The following CYP27A1 variants were observed in gnomAD, a reference collection of about 807,000 sequenced individuals.
CYP27A1 encodes the protein sterol 26-hydroxylase, mitochondrial.
In CYP27A1, 46 loss-of-function variants were observed where a neutral mutation model predicts 58.2. The ratio of observed to expected loss-of-function variants is 0.79; its 90% CI spans 0.62 to 1.01. The LOEUF (loss-of-function observed/expected upper bound fraction) is 1.01. Among genes scored for constraint, CYP27A1 ranks in the 50% least tolerant of loss-of-function variants. The pLI is 0.00. For missense variants in CYP27A1, 704 were observed against 687.0 expected (o/e 1.02, Z -0.28); for synonymous variants, 274 against 285.1 (o/e 0.96, Z 0.39).
intron 1 of CYP27A1, among the ~76,000 whole-genome samples, chr2:218,790,436 A>G (rs574742578): frequency 6.6e-6 from 1 of 152,358 alleles, no homozygotes; most frequent in South Asian, 2.1e-4. Flanking sequence ...CTAAAATCAA[A>G]TAGATCAAAG....
Position 218,809,442 on chromosome 2 carries a change from C to CTTTT in CYP27A1, c.256-116_256-113dup, listed in dbSNP as rs57956133. The CTTTT allele has an allele frequency of 2.1e-3, 775 of 370,542 alleles. 106 individuals are homozygous for CTTTT. The highest frequency in any genetic ancestry group is 0.014 in the African/African-American group (421 of 29,980). The allele number at this position is 370,542 out of a possible 1,614,324, so 23.0% of individuals were successfully genotyped here. On this transcript the variant is annotated intron_variant, in intron 1 of 8. Coordinates refer to ENST00000258415, the MANE Select transcript of CYP27A1 (RefSeq NM_000784.4). ...TGGTGCCTACATCATACACAATGCC[C>CTTTT]TTTTTTTTTTTTTTTTTTTTTTGCC...
At chr2:218,803,722 CTTTTTTTTTTT>C (rs71040407) in intron 1 of CYP27A1, among the ~76,000 whole-genome samples, 1 of 57,750 alleles carries the variant, frequency 1.7e-5, no homozygotes, top group Non-Finnish European at 3.0e-5. Flanking sequence ...GTGCCCCCGT[CTTTTTTTTTTT>C]TTTTTTTTTT....
intron 1 of CYP27A1, among the ~76,000 whole-genome samples, chr2:218,801,302 C>T (rs560988534): frequency 4.6e-5 from 7 of 152,140 alleles, no homozygotes; most frequent in East Asian, 1.9e-4. Context: ...GTCAGGAGTT[C>T]GAGACCAGCC....
rs1943730077 is a variant in CYP27A1, at chr2:218,812,570, T to C, written c.665T>C (p.Phe222Ser). Residue 222 changes from phenylalanine (F) to serine (S), a missense_variant, in exon 4 of 9, where the codon TTC (phenylalanine) becomes TCC (serine). Physicochemically the swap from Phe to Ser is radical, Grantham distance 155. Transcript: ENST00000258415. ...FALEAICYIL[F>S]EKRIGCLQRS... ...TACTCAGCTATTTGCTACATCCTGT[T>C]CGAGAAACGCATTGGCTGCCTGCAG... The C allele has an allele frequency of 1.2e-6, 2 of 1,614,096 alleles. No homozygotes were observed. The highest frequency in any genetic ancestry group is 1.7e-5 in the Admixed American group (1 of 60,010).
At chr2:218,810,976 A>T (rs576801890) in intron 2 of CYP27A1, among the ~76,000 whole-genome samples, 40 of 151,926 alleles carry the variant, frequency 2.6e-4, no homozygotes, top group Non-Finnish European at 4.7e-4. Context: ...TGAAACCCCG[A>T]CTCTACTAAA....
chr2:218,807,998 C>T (rs1038374411), intron 1 of CYP27A1, among the ~76,000 whole-genome samples: 1 of 152,076 alleles, frequency 6.6e-6, no homozygotes, highest in Non-Finnish European at 1.5e-5. Flanking sequence ...TATTTTAGAC[C>T]TCCTTTCTTA....
At position 218,784,366 on chromosome 2, in the gene CYP27A1, T is replaced by C. The variant is rs529484114; in HGVS notation, c.255+1929T>C. Among the ~76,000 whole-genome samples the C allele has an allele frequency of 3.3e-5, 5 of 152,362 alleles. No individual in the cohort carries two copies. The South Asian group carries it at 1.0e-3, about 32-fold the overall frequency. On this transcript the variant is annotated intron_variant, in intron 1 of 8. Transcript: ENST00000258415. ...TAAGCAGGCTGCTGTAACCTTTGTT[T>C]CTCTGATTTTAGATTAACTTTCTTT...
intron 1 of CYP27A1, among the ~76,000 whole-genome samples, chr2:218,802,104 T>C (rs1943605274): frequency 6.6e-6 from 1 of 152,062 alleles, no homozygotes; most frequent in Admixed American, 6.6e-5. Context: ...TTTGTTCACT[T>C]ATTTGTTTCC....
At chr2:218,803,718 CCGT>C (rs1455069171) in intron 1 of CYP27A1, among the ~76,000 whole-genome samples, 10 of 128,462 alleles carry the variant, frequency 7.8e-5, no homozygotes, top group African/African-American at 3.1e-4. Flanking sequence ...CACCGTGCCC[CCGT>C]CTTTTTTTTT....
At chr2:218,803,301 G>A (rs781033402) in intron 1 of CYP27A1, among the ~76,000 whole-genome samples, 2 of 152,020 alleles carry the variant, frequency 1.3e-5, no homozygotes, top group Non-Finnish European at 2.9e-5. Flanking sequence ...TTTTGTTGTT[G>A]GGTTGTAACA....
intron 1 of CYP27A1, among the ~76,000 whole-genome samples, chr2:218,807,531 A>G (rs1943663800): frequency 6.6e-6 from 1 of 152,198 alleles, no homozygotes; most frequent in Non-Finnish European, 1.5e-5. Flanking sequence ...ACATTATCAT[A>G]GTTCAAGACT....
chr2:218,814,395 C>T lies in CYP27A1; in HGVS notation c.1200C>T (p.Val400=). 6.2e-7 allele frequency: 1 copy of T among 1,614,164 alleles called. No homozygotes were observed. The highest frequency in any genetic ancestry group is 8.5e-7 in the Non-Finnish European group (1 of 1,179,984). The change falls in exon 7 of 9, where the codon GTC becomes GTT. Residue 400 remains valine (V), a synonymous_variant. Coordinates refer to ENST00000258415, the MANE Select transcript of CYP27A1 (RefSeq NM_000784.4). ...TTCCCTGCAGTCTCTACCCTGTGGT[C>T]CCCACAAACTCCCGGATCATAGAAA... ...LKETLRLYPV[V]PTNSRIIEKE...
At chr2:218,787,831 A>C (rs895681486) in intron 1 of CYP27A1, among the ~76,000 whole-genome samples, 4 of 152,186 alleles carry the variant, frequency 2.6e-5, no homozygotes, top group African/African-American at 4.8e-5. Context: ...CCAGCCTCAG[A>C]TATTCTGTCA....
At chr2:218,801,204 C>CA (rs1403727503) in intron 1 of CYP27A1, among the ~76,000 whole-genome samples, 4 of 152,000 alleles carry the variant, frequency 2.6e-5, no homozygotes, top group Non-Finnish European at 4.4e-5. Flanking sequence ...AAGGGCAGTC[C>CA]AAAAAACAAA....
At position 218,809,656 on chromosome 2, in the gene CYP27A1, C is replaced by T. The variant is rs531504325; in HGVS notation, c.335C>T (p.Pro112Leu). The change falls in exon 2 of 9, where the codon CCG (proline) becomes CTG (leucine). Residue 112 changes from proline to leucine, a missense_variant. Coordinates refer to ENST00000258415, the MANE Select transcript of CYP27A1 (RefSeq NM_000784.4). ...PQMHVNLASA[P>L]LLEQVMRQEG... ...ATGCACGTGAACCTGGCCAGTGCCC[C>T]GCTCTTGGAGCAAGTGATGCGGCAA... 49 of 1,614,116 alleles carry T rather than the reference C, an allele frequency of 3.0e-5. No individual in the cohort carries two copies. Among genetic ancestry groups the T allele is most frequent in the South Asian group, 2.1e-4 (19 of 91,082 alleles).
chr2:218,789,129 C>T (rs1943467130), intron 1 of CYP27A1, among the ~76,000 whole-genome samples: 1 of 152,134 alleles, frequency 6.6e-6, no homozygotes, highest in Admixed American at 6.5e-5. Context: ...AAGAGACATG[C>T]AAGAATATTC....
At chr2:218,783,637 G>C (rs1490351300) in intron 1 of CYP27A1, among the ~76,000 whole-genome samples, 1 of 152,176 alleles carries the variant, frequency 6.6e-6, no homozygotes, top group Non-Finnish European at 1.5e-5. Context: ...AAGAGATAAA[G>C]CAACAAAAAG....
intron 2 of CYP27A1, among the ~76,000 whole-genome samples, chr2:218,811,554 C>T (rs560942265): frequency 1.3e-5 from 2 of 152,076 alleles, no homozygotes; most frequent in Non-Finnish European, 2.9e-5. Flanking sequence ...GGCCTGACCA[C>T]CTACCTTGCC....
intron 1 of CYP27A1, among the ~76,000 whole-genome samples, chr2:218,807,734 G>A (rs1943666012): frequency 6.6e-6 from 1 of 151,794 alleles, no homozygotes; most frequent in African/African-American, 2.4e-5. Context: ...CTCAGCCTCC[G>A]AGTAGCTGGA....
Sources: allele counts gnomAD v4.1 joint callset (sites outside exome capture counted in the v4.1 genomes callset), GRCh38; gene constraint gnomAD v4.1.1; transcripts MANE v1.5; gene names NCBI Gene and HGNC (gene_info 2026-07-23, HGNC 2026-07-21).